The following PDE4D variants were observed in gnomAD, a reference collection of about 807,000 sequenced individuals.
The protein encoded by PDE4D is phosphodiesterase 4D.
PDE4D carries 24 observed loss-of-function variants against 87.4 expected under a neutral mutation model. The observed-to-expected ratio is 0.27, with a 90% CI of 0.20 to 0.39. The LOEUF (loss-of-function observed/expected upper bound fraction) is 0.39, where lower values mean the gene tolerates loss of function less well. Among genes scored for constraint, PDE4D ranks in the 10% least tolerant of loss-of-function variants. The pLI is 1.00. For missense variants in PDE4D, 714 were observed against 1,041.0 expected (o/e 0.69, Z 4.32); for synonymous variants, 384 against 383.2 (o/e 1.00, Z -0.02).
At chr5:59,621,827 T>C (rs187080967) in intron 1 of PDE4D, among the ~76,000 whole-genome samples, 221 of 152,306 alleles carry the variant, frequency 1.5e-3, no homozygotes, top group African/African-American at 5.0e-3. Flanking sequence ...GCTAAATTAG[T>C]CTGTGCAAGA....
Position 59,255,285 on chromosome 5 carries a change from T to TA in PDE4D, c.456-39318dup, listed in dbSNP as rs1760755645. 7.2e-5 allele frequency among the ~76,000 whole-genome samples: 11 copies of TA among 152,202 alleles called. No individual in the cohort carries two copies. The South Asian group carries it at 2.1e-3, about 29-fold the overall frequency. ...TGAATGAGACTTGAAAACATTATGC[T>TA]AAGTGAAAGAAGCAAGTCACAAAAG... On this transcript the variant is annotated intron_variant, in intron 1 of 14. Transcript: ENST00000340635.
chr5:59,530,365 C>T (rs1254277213), intron 1 of PDE4D, among the ~76,000 whole-genome samples: 1 of 152,136 alleles, frequency 6.6e-6, no homozygotes, highest in Non-Finnish European at 1.5e-5. Flanking sequence ...AGTGGTCCCT[C>T]AGGATCTTTG....
At chr5:59,573,740 G>A (rs1822272863) in intron 1 of PDE4D, among the ~76,000 whole-genome samples, 1 of 151,810 alleles carries the variant, frequency 6.6e-6, no homozygotes, top group East Asian at 1.9e-4. Flanking sequence ...ACTCACTCCT[G>A]TAATCCTAGC....
At chr5:59,039,389 TC>T in intron 5 of PDE4D, 1 of 1,012,514 alleles carries the variant, frequency 9.9e-7, no homozygotes, top group South Asian at 3.7e-5. Context: ...GAGCGTCTGG[TC>T]CACAGCCGGA....
intron 1 of PDE4D, among the ~76,000 whole-genome samples, chr5:59,254,411 G>A (rs1043756954): frequency 5.3e-5 from 8 of 151,918 alleles, no homozygotes; most frequent in Non-Finnish European, 8.8e-5. Context: ...TTTAAATGGT[G>A]TCTTGGCTTA....
chr5:59,973,021 C>T (rs1049787452), intron 3 of PDE4D, among the ~76,000 whole-genome samples: 8 of 151,984 alleles, frequency 5.3e-5, no homozygotes, highest in Admixed American at 2.0e-4. Flanking sequence ...TCTGAAAGGC[C>T]CAAGTATCCC....
intron 5 of PDE4D, chr5:59,039,348 G>C (rs948470626): frequency 9.7e-6 from 10 of 1,036,166 alleles, no homozygotes; most frequent in Non-Finnish European, 1.2e-5. Flanking sequence ...CGAGGGGGTG[G>C]CGAGCGCGCT....
chr5:60,256,486 C>T lies in PDE4D; in HGVS notation c.-89-70799G>A, dbSNP rs1749065325. 2.6e-5 allele frequency among the ~76,000 whole-genome samples: 4 copies of T among 151,716 alleles called. 1 individual carries two copies. The South Asian group carries it at 8.3e-4, about 31-fold the overall frequency. ...ATCAATAACCCTAAACTCATGTGTC[C>T]TTCAATTACCTGGAAATATGATCAC... On this transcript the variant is annotated intron_variant, in intron 1 of 16. Coordinates refer to the PDE4D transcript ENST00000502484.
chr5:59,497,526 T>C (rs1337367669), intron 1 of PDE4D, among the ~76,000 whole-genome samples: 1 of 151,924 alleles, frequency 6.6e-6, no homozygotes, highest in African/African-American at 2.4e-5. Context: ...AAATTAACTA[T>C]GGGAATTTCA....
chr5:60,106,133 C>T (rs554942748), intron 2 of PDE4D, among the ~76,000 whole-genome samples: 8 of 151,868 alleles, frequency 5.3e-5, no homozygotes, highest in African/African-American at 1.9e-4. Context: ...CAGAGACACA[C>T]ATAGGCTCAA....
At chr5:60,467,221 G>A (rs1747428318) in intron 1 of PDE4D, among the ~76,000 whole-genome samples, 1 of 151,882 alleles carries the variant, frequency 6.6e-6, no homozygotes, top group African/African-American at 2.4e-5. Flanking sequence ...TGTATTCTTA[G>A]TAGAGACGGG....
intron 1 of PDE4D, among the ~76,000 whole-genome samples, chr5:60,422,225 C>A (rs954988381): frequency 2.6e-5 from 4 of 151,948 alleles, no homozygotes; most frequent in Admixed American, 6.6e-5. Context: ...GAAGAGCAAC[C>A]CCAAGACACA....
intron 5 of PDE4D, among the ~76,000 whole-genome samples, chr5:59,160,169 T>C (rs913376662): frequency 1.3e-5 from 2 of 152,218 alleles, no homozygotes; most frequent in Non-Finnish European, 2.9e-5. Context: ...AATCTAAGGA[T>C]GGAGATAAAC....
At chr5:60,371,633 G>A (rs951179613) in intron 1 of PDE4D, among the ~76,000 whole-genome samples, 9 of 152,038 alleles carry the variant, frequency 5.9e-5, no homozygotes, top group Admixed American at 2.0e-4. Flanking sequence ...TAAAAAATTA[G>A]AACATTGCAG....
At chr5:60,203,514 T>C (rs979554380) in intron 1 of PDE4D, among the ~76,000 whole-genome samples, 1 of 152,202 alleles carries the variant, frequency 6.6e-6, no homozygotes, top group African/African-American at 2.4e-5. Flanking sequence ...TTTGATACTA[T>C]TTAGTACTGG....
chr5:59,465,986 A>G (rs959261777), intron 1 of PDE4D, among the ~76,000 whole-genome samples: 2 of 152,184 alleles, frequency 1.3e-5, no homozygotes, highest in African/African-American at 2.4e-5. Flanking sequence ...AGAATTTTCT[A>G]TAAAATTGTG....
At chr5:59,626,728 A>G (rs1283461377) in intron 1 of PDE4D, among the ~76,000 whole-genome samples, 2 of 152,244 alleles carry the variant, frequency 1.3e-5, no homozygotes, top group Non-Finnish European at 2.9e-5. Flanking sequence ...TATTTGCAGT[A>G]TGAGAATAGA....
At chr5:59,188,623 G>A (rs1743468281) in intron 3 of PDE4D, among the ~76,000 whole-genome samples, 2 of 152,148 alleles carry the variant, frequency 1.3e-5, no homozygotes, top group African/African-American at 4.8e-5. Flanking sequence ...ACCACTAGAT[G>A]GCGGTAAAAC....
intron 1 of PDE4D, among the ~76,000 whole-genome samples, chr5:60,348,916 G>A (rs1004436080): frequency 3.3e-5 from 5 of 152,036 alleles, no homozygotes; most frequent in African/African-American, 1.2e-4. Context: ...AGGAAAAAGA[G>A]GTTAATGCTT....
Sources: gnomAD v4.1 joint callset for allele counts (sites outside exome capture counted in the v4.1 genomes callset) on GRCh38, gnomAD v4.1.1 for gene constraint, MANE v1.5 for transcripts, NCBI Gene and HGNC (gene_info 2026-07-23, HGNC 2026-07-21) for gene names.